The following AJAP1 variants were observed in gnomAD, a reference collection of about 807,000 sequenced individuals.
AJAP1 encodes adherens junction-associated protein 1.
AJAP1 carries 5 observed loss-of-function variants against 35.0 expected under a neutral mutation model. The observed-to-expected ratio is 0.14, with a 90% confidence interval of 0.07 to 0.30. AJAP1 has a LOEUF of 0.30. Among genes scored for constraint, AJAP1 ranks in the 10% least tolerant of loss-of-function variants. The pLI is 1.00. For synonymous variants in AJAP1, 284 were observed against 249.3 expected, an observed-to-expected ratio of 1.14 and a Z score of -1.31; for missense variants, 586 against 571.0, an observed-to-expected ratio of 1.03 and a Z score of -0.27.
At chr1:4,697,113 C>A (rs756521344) in intron 1 of AJAP1, among the ~76,000 whole-genome samples, 23 of 152,144 alleles carry the variant, frequency 1.5e-4, no homozygotes, top group Non-Finnish European at 8.8e-5. Flanking sequence ...GCATGTATCA[C>A]TCAGGTTGCA....
intron 2 of AJAP1, among the ~76,000 whole-genome samples, chr1:4,713,864 C>A (rs1640327083): frequency 6.6e-6 from 1 of 152,250 alleles, no homozygotes. Flanking sequence ...TCGGTAGGCC[C>A]CACCCAGGCC....
chr1:4,781,592 T>G (rs1642064864), intron 5 of AJAP1, among the ~76,000 whole-genome samples: 1 of 152,264 alleles, frequency 6.6e-6, no homozygotes, highest in African/African-American at 2.4e-5. Context: ...ATGTGTCATC[T>G]GCACAGATGA....
intron 1 of AJAP1, among the ~76,000 whole-genome samples, chr1:4,659,836 C>G (rs537440526): frequency 6.6e-6 from 1 of 152,194 alleles, no homozygotes; most frequent in Non-Finnish European, 1.5e-5. Context: ...ACATGCCCGT[C>G]AATGTGCCAT....
intron 2 of AJAP1, among the ~76,000 whole-genome samples, chr1:4,736,370 C>T (rs2100307307): frequency 6.6e-6 from 1 of 152,298 alleles, no homozygotes; most frequent in South Asian, 2.1e-4. Context: ...TGTGCGCAGC[C>T]CTCCCTTTCC....
chr1:4,694,906 GGACGGACACT>G (rs1423964426), intron 1 of AJAP1, among the ~76,000 whole-genome samples: 1 of 152,200 alleles, frequency 6.6e-6, no homozygotes, highest in Non-Finnish European at 1.5e-5. Context: ...GCAGCTGAGT[GGACGGACACT>G]GGATTATGGG....
intron 5 of AJAP1, among the ~76,000 whole-genome samples, chr1:4,781,263 T>G (rs1642057985): frequency 6.6e-6 from 1 of 152,080 alleles, no homozygotes; most frequent in African/African-American, 2.4e-5. Flanking sequence ...GCTCAGTTGA[T>G]TCAGGAGAGA....
intron 2 of AJAP1, among the ~76,000 whole-genome samples, chr1:4,736,690 C>T (rs984178421): frequency 6.6e-6 from 1 of 152,112 alleles, no homozygotes; most frequent in African/African-American, 2.4e-5. Flanking sequence ...AATTTGCACA[C>T]GTAGGGAGTT....
At chr1:4,698,323 C>T (rs1289777320) in intron 1 of AJAP1, among the ~76,000 whole-genome samples, 1 of 152,196 alleles carries the variant, frequency 6.6e-6, no homozygotes, top group African/African-American at 2.4e-5. Flanking sequence ...GCCACATGCT[C>T]CCTGGAGGCC....
At chr1:4,671,368 C>CAAA (rs35552154) in intron 1 of AJAP1, among the ~76,000 whole-genome samples, 3 of 128,716 alleles carry the variant, frequency 2.3e-5, no homozygotes, top group Non-Finnish European at 4.9e-5. Context: ...GACTCTGCCT[C>CAAA]AAAAAAAAAA....
intron 2 of AJAP1, among the ~76,000 whole-genome samples, chr1:4,747,178 G>A (rs1282881401): frequency 6.6e-6 from 1 of 152,156 alleles, no homozygotes; most frequent in Non-Finnish European, 1.5e-5. Context: ...CTGTCCTTGC[G>A]GGCATTTGCT....
chr1:4,699,663 C>A (rs1189829928), intron 1 of AJAP1, among the ~76,000 whole-genome samples: 1 of 152,130 alleles, frequency 6.6e-6, no homozygotes, highest in Non-Finnish European at 1.5e-5. Context: ...AAATCTGAAG[C>A]CTTTGGAGGG....
intron 2 of AJAP1, among the ~76,000 whole-genome samples, chr1:4,714,455 G>A (rs186955701): frequency 2.0e-5 from 3 of 152,240 alleles, no homozygotes; most frequent in Admixed American, 6.5e-5. Context: ...CTCTGTATAC[G>A]TCACTTACTA....
At position 4,772,451 on chromosome 1, in the gene AJAP1, A is replaced by C. The variant is rs2100362852; in HGVS notation, c.1089A>C (p.Ala363=). ...AGTGTTCTCACGAGTGCGTCAGGGC[A>C]TCTGTGCCCGTGTACACCGATGAGA... ...TLQCSHECVR[A]SVPVYTDETL... The change falls in exon 4 of 6, where the codon GCA becomes GCC. Residue 363 remains alanine, a synonymous_variant. Coordinates refer to ENST00000378191, the MANE Select transcript of AJAP1 (RefSeq NM_018836.4). The C allele has an allele frequency of 6.2e-7, 1 of 1,614,234 alleles. No homozygotes were observed. Among genetic ancestry groups the C allele is most frequent in the Middle Eastern group, 1.6e-4 (1 of 6,062 alleles).
rs529841989 is a variant in AJAP1 at position 4,772,641 on chromosome 1, G to A, written c.1163+116G>A. On this transcript the variant is annotated intron_variant, in intron 4 of 5. Transcript: ENST00000378191. Reference sequence around the variant, plus strand: ...GTCGGTTTAGGTCTTCCCTGAGGTCGCTTTGAGGGGCCCAGCCAAGGCGGA... The same window carrying A: ...GTCGGTTTAGGTCTTCCCTGAGGTCACTTTGAGGGGCCCAGCCAAGGCGGA... The A allele has an allele frequency of 7.3e-5, 104 of 1,431,498 alleles. 1 individual carries two copies. The highest frequency in any genetic ancestry group is 7.0e-4 in the South Asian group (50 of 71,404). 88.7% of individuals were successfully genotyped at this position (1,431,498 alleles called of 1,614,324 possible).
intron 1 of AJAP1, among the ~76,000 whole-genome samples, chr1:4,696,235 T>C (rs1639856343): frequency 6.6e-6 from 1 of 152,116 alleles, no homozygotes; most frequent in Non-Finnish European, 1.5e-5. Flanking sequence ...AGGAAACTGT[T>C]TTTTCCCCCT....
At chr1:4,775,471 T>C (rs190218360) in intron 5 of AJAP1, among the ~76,000 whole-genome samples, 1,778 of 152,350 alleles carry the variant, frequency 0.012, 16 homozygotes, top group Non-Finnish European at 0.019. Flanking sequence ...AATATTTTTT[T>C]CTTACTTTTT....
At chr1:4,741,213 G>A (rs1010695322) in intron 2 of AJAP1, among the ~76,000 whole-genome samples, 2 of 152,120 alleles carry the variant, frequency 1.3e-5, no homozygotes, top group African/African-American at 4.8e-5. Flanking sequence ...GAGGTCATCC[G>A]AGTGTCCTGG....
chr1:4,769,657 G>T (rs1417597906), intron 2 of AJAP1, among the ~76,000 whole-genome samples, 196 bp from the exon 3 acceptor site: 2 of 152,044 alleles, frequency 1.3e-5, no homozygotes, highest in Non-Finnish European at 2.9e-5. Context: ...CCCCGGGTGA[G>T]AGCAGCCTCA....
Position 4,674,760 on chromosome 1 carries a change from G to A in AJAP1, c.29+19306G>A, listed in dbSNP as rs372097283. On this transcript the variant is annotated intron_variant, in intron 1 of 5. Transcript: ENST00000378191. ...GATCGGTCGGGGCCCAGGGCAGAGTGAGCAGGCAGCATTCTGCTCTGCCTG... is the reference window on the plus strand; with the variant it reads ...GATCGGTCGGGGCCCAGGGCAGAGTAAGCAGGCAGCATTCTGCTCTGCCTG... Among the ~76,000 whole-genome samples, 9 of 152,224 alleles carry A rather than the reference G, an allele frequency of 5.9e-5. No individual in the cohort carries two copies. The East Asian group carries it at 7.7e-4, about 13-fold the overall frequency.
Sources: gnomAD v4.1 joint callset for allele counts (sites outside exome capture counted in the v4.1 genomes callset) on GRCh38, gnomAD v4.1.1 for gene constraint, MANE v1.5 for transcripts, NCBI Gene and HGNC (gene_info 2026-07-23, HGNC 2026-07-21) for gene names.